Variants in ANO4 observed in about 807,000 individuals in gnomAD.
ANO4 encodes the protein anoctamin-4.
ANO4 carries 69 observed loss-of-function variants against 141.9 expected under a neutral mutation model. The observed-to-expected ratio is 0.49, with a 90% confidence interval of 0.40 to 0.59. ANO4 has a LOEUF of 0.59. ANO4 is among the 20% of genes least tolerant of loss of function. ANO4 has a pLI of 0.00. For missense variants in ANO4, 894 were observed against 1,162.2 expected (o/e 0.77, Z 3.36); for synonymous variants, 350 against 394.3 (o/e 0.89, Z 1.33).
In ANO4 at chr12:100,902,545, A is replaced by G. The variant is rs182776185; in HGVS notation, c.55+705A>G. ...GACTTTATAGAAACATCAAATTGCG[A>G]AAGAATTCATAAGTCATTGAGAATA... On this transcript the variant is annotated intron_variant, in intron 2 of 27. Coordinates refer to ENST00000392977, the MANE Select transcript of ANO4 (RefSeq NM_001286615.2). Among the ~76,000 whole-genome samples, 214 of 152,314 alleles carry G rather than the reference A, an allele frequency of 1.4e-3. 2 individuals carry two copies. Among genetic ancestry groups the G allele is most frequent in the African/African-American group, 5.0e-3 (206 of 41,570 alleles).
At chr12:100,901,197 C>G (rs948727428) in intron 1 of ANO4, among the ~76,000 whole-genome samples, 3 of 152,130 alleles carry the variant, frequency 2.0e-5, no homozygotes, top group Admixed American at 2.0e-4. Flanking sequence ...ATTCATTTTG[C>G]TTTTGGTATG....
In ANO4 at chr12:100,926,055, T is replaced by C. The variant is rs574442538; in HGVS notation, c.160+3725T>C. Among the ~76,000 whole-genome samples, 33 of 152,198 alleles carry C rather than the reference T, an allele frequency of 2.2e-4. No homozygotes were observed. The South Asian group carries it at 4.4e-3, about 20-fold the overall frequency. ...ATTTTAAAGGTGAAAAAACTGAATA[T>C]AGCTCCCCAAGGATATATGGTTACT... On this transcript the variant is annotated intron_variant, in intron 3 of 27. Coordinates refer to ENST00000392977, the MANE Select transcript of ANO4 (RefSeq NM_001286615.2).
At chr12:101,085,148 T>C (rs1463548261) in intron 16 of ANO4, among the ~76,000 whole-genome samples, 1 of 152,220 alleles carries the variant, frequency 6.6e-6, no homozygotes, top group Non-Finnish European at 1.5e-5. Context: ...AGGAATACTT[T>C]TGTGAAGAAA....
intron 8 of ANO4, among the ~76,000 whole-genome samples, chr12:101,001,171 G>C (rs2045620244): frequency 6.6e-6 from 1 of 152,182 alleles, no homozygotes; most frequent in Admixed American, 6.5e-5. Context: ...CTATAGGAAA[G>C]GGAAAGAGTT....
At chr12:101,014,771 G>T (rs956033665) in intron 8 of ANO4, among the ~76,000 whole-genome samples, 5 of 152,108 alleles carry the variant, frequency 3.3e-5, no homozygotes, top group Non-Finnish European at 5.9e-5. Context: ...GAATTTCAGG[G>T]GGAATGTGAG....
chr12:100,897,447 C>T (rs2040401567), intron 1 of ANO4, among the ~76,000 whole-genome samples: 1 of 152,198 alleles, frequency 6.6e-6, no homozygotes, highest in Admixed American at 6.5e-5. Flanking sequence ...ACTGTGCCAT[C>T]TGTGCCCAAG....
intron 1 of ANO4, among the ~76,000 whole-genome samples, chr12:100,893,017 A>G (rs952148966): frequency 1.3e-5 from 2 of 152,166 alleles, no homozygotes; most frequent in Non-Finnish European, 2.9e-5. Flanking sequence ...GGGGACATAT[A>G]TATAGACAAT....
chr12:100,807,388 A>G (rs1490967751), intron 1 of ANO4, among the ~76,000 whole-genome samples: 2 of 152,148 alleles, frequency 1.3e-5, no homozygotes, highest in Admixed American at 1.3e-4. Context: ...CTCTAGTTTT[A>G]TGAATTTTAA....
intron 2 of ANO4, among the ~76,000 whole-genome samples, chr12:100,908,949 T>C (rs2040972485): frequency 1.3e-5 from 2 of 152,236 alleles, no homozygotes; most frequent in Admixed American, 1.3e-4. Flanking sequence ...AAGGATTTAT[T>C]GGGAATTTGC....
chr12:100,788,471 C>G (rs921566829), intron 3 of ANO4, among the ~76,000 whole-genome samples: 1 of 152,128 alleles, frequency 6.6e-6, no homozygotes, highest in Non-Finnish European at 1.5e-5. Flanking sequence ...GTTTTCCTGT[C>G]ACTGGATAGC....
At chr12:100,756,884 C>A (rs1267757517) in intron 3 of ANO4, among the ~76,000 whole-genome samples, 1 of 152,156 alleles carries the variant, frequency 6.6e-6, no homozygotes, top group Non-Finnish European at 1.5e-5. Context: ...ACCACTACCC[C>A]TATTTCACCT....
At chr12:101,016,960 C>A (rs1027331273) in intron 8 of ANO4, among the ~76,000 whole-genome samples, 1 of 152,206 alleles carries the variant, frequency 6.6e-6, no homozygotes, top group African/African-American at 2.4e-5. Flanking sequence ...ATGCTGAGGT[C>A]TGTCTGACTG....
intron 1 of ANO4, among the ~76,000 whole-genome samples, chr12:100,888,042 A>G (rs2039924318): frequency 6.6e-6 from 1 of 152,214 alleles, no homozygotes; most frequent in Non-Finnish European, 1.5e-5. Context: ...TCACAGGGTG[A>G]GACAAAGTGA....
At chr12:100,854,692 C>T (rs944955006) in intron 1 of ANO4, among the ~76,000 whole-genome samples, 2 of 152,180 alleles carry the variant, frequency 1.3e-5, no homozygotes, top group Non-Finnish European at 2.9e-5. Flanking sequence ...CCTTTCTACT[C>T]ATTCACTGTA....
rs2032261541 is a variant in ANO4 at position 100,749,350 on chromosome 12, G to A, written c.358+9245G>A. 2.6e-5 allele frequency among the ~76,000 whole-genome samples: 4 copies of A among 152,134 alleles called. No individual in the cohort carries two copies. In the South Asian group the frequency reaches 8.3e-4, roughly 32 times the overall value. On this transcript the variant is annotated intron_variant, in intron 3 of 29. Transcript: ENST00000644049. Reference sequence around the variant, plus strand: ...ACTTCTCTGTGAAAAACTAAGTTGGGAACCGCCTGGACTTTAGAACTAAGA... The same window carrying A: ...ACTTCTCTGTGAAAAACTAAGTTGGAAACCGCCTGGACTTTAGAACTAAGA...
rs778222558 is a variant in ANO4, at chr12:100,987,668, T to A, written c.732T>A (p.His244Gln). Residue 244 changes from histidine to glutamine, a missense_variant and splice_region_variant, in exon 8 of 28, where the codon CAT becomes CAA. By Grantham distance (24) the His-to-Gln change is conservative. Around this residue, in one of 2 missense-constraint regions of ANO4, gnomAD observed 637 missense variants for 909.2 expected, o/e 0.70. Transcript: ENST00000392977. ...YTAPFSQQRIHHFIIHNKETF... is the reference protein window; with the variant it reads ...YTAPFSQQRIQHFIIHNKETF... ...CCCCTTTCAGCCAGCAAAGGATCCA[T>A]CAGTGAGTGTTCCATGTTAAAGCCC... is the stretch of plus-strand genomic sequence containing the variant. 4 of 1,613,668 alleles carry A rather than the reference T, an allele frequency of 2.5e-6. No homozygotes were observed. Among genetic ancestry groups the A allele is most frequent in the Non-Finnish European group, 1.7e-6 (2 of 1,179,898 alleles).
intron 1 of ANO4, among the ~76,000 whole-genome samples, chr12:100,808,465 A>C (rs2135694307): frequency 6.6e-6 from 1 of 152,292 alleles, no homozygotes; most frequent in South Asian, 2.1e-4. Context: ...CCAGATGTAT[A>C]GTTTGCAAAA....
At chr12:101,027,408 TG>T (rs1157745368) in intron 9 of ANO4, among the ~76,000 whole-genome samples, 3 of 151,910 alleles carry the variant, frequency 2.0e-5, no homozygotes, top group African/African-American at 4.8e-5. Context: ...TTGAGCTCCT[TG>T]GGGGAGGGGC....
At chr12:101,067,014 A>AG (rs1413129402) in intron 14 of ANO4, 49 of 580,318 alleles carry the variant, frequency 8.4e-5, no homozygotes, top group African/African-American at 5.5e-4. Flanking sequence ...AAAAAAAAAA[A>AG]AAAGAAAGAA....
Sources: allele counts gnomAD v4.1 joint callset (sites outside exome capture counted in the v4.1 genomes callset), GRCh38; gene constraint gnomAD v4.1.1; regional missense constraint gnomAD v4.1.1; transcripts MANE v1.5; gene names NCBI Gene and HGNC (gene_info 2026-07-23, HGNC 2026-07-21).